UBE2R2: variants seen among roughly 807,000 people sequenced by gnomAD.
UBE2R2 encodes the protein ubiquitin conjugating enzyme E2 R2.
UBE2R2 carries 1 observed loss-of-function variant against 27.8 expected under a neutral mutation model. That is an observed-to-expected ratio of 0.04 (90% CI 0.01 to 0.17). UBE2R2 has a LOEUF of 0.17. UBE2R2 is among the 10% of genes least tolerant of loss of function. The pLI, the probability that UBE2R2 is intolerant of heterozygous loss-of-function variation, is 1.00. For synonymous variants in UBE2R2, 106 were observed against 113.3 expected (o/e 0.94, Z 0.41); for missense variants, 100 against 291.0 (o/e 0.34, Z 4.78).
chr9:33,898,798 A>G lies in UBE2R2; in HGVS notation c.265-1376A>G, dbSNP rs199948839. Among the ~76,000 whole-genome samples, 474 of 152,272 alleles carry G rather than the reference A, an allele frequency of 3.1e-3. 2 individuals are homozygous for G. The highest frequency in any genetic ancestry group is 5.6e-3 in the Non-Finnish European group (381 of 68,036). Reference sequence around the variant, plus strand: ...AGAAAGAAGTTAAATAAATAAATAAATCTTACCTTCCATGTTAGGCTAAGT... The same window carrying G: ...AGAAAGAAGTTAAATAAATAAATAAGTCTTACCTTCCATGTTAGGCTAAGT... On this transcript the variant is annotated intron_variant, in intron 2 of 4. Transcript: ENST00000263228.
intron 1 of UBE2R2, among the ~76,000 whole-genome samples, chr9:33,841,316 G>C (rs1432587756): frequency 6.6e-6 from 1 of 152,108 alleles, no homozygotes; most frequent in Non-Finnish European, 1.5e-5. Context: ...CTGACCTCAG[G>C]TGTTCCACCT....
At position 33,817,716 on chromosome 9, in the gene UBE2R2, C is replaced by T. The variant is rs768830336; in HGVS notation, c.-42C>T. ...GTCCGGCCCGGCCGGTGCGTGAGGA[C>T]TGGGGCCCGGGCCCGGCGCCGCCGC... On this transcript the variant is annotated 5_prime_UTR_variant, in exon 1 of 5. Transcript: ENST00000263228. 1,469 of 1,459,018 alleles carry T rather than the reference C, an allele frequency of 1.0e-3. No individual in the cohort carries two copies. Among genetic ancestry groups the T allele is most frequent in the Non-Finnish European group, 1.2e-3 (1,336 of 1,102,994 alleles). 90.4% of individuals were successfully genotyped at this position (1,459,018 alleles called of 1,614,324 possible). A position where few individuals can be genotyped will look rare whatever the true frequency, so the allele number is the denominator to read the frequency against.
At chr9:33,848,321 C>T (rs1820889905) in intron 1 of UBE2R2, among the ~76,000 whole-genome samples, 1 of 152,012 alleles carries the variant, frequency 6.6e-6, no homozygotes, top group Non-Finnish European at 1.5e-5. Flanking sequence ...GTACTTTTTT[C>T]TCCTCTTATC....
At chr9:33,877,177 T>G (rs1013923350) in intron 1 of UBE2R2, among the ~76,000 whole-genome samples, 15 of 112,812 alleles carry the variant, frequency 1.3e-4, no homozygotes, top group African/African-American at 5.1e-4. Flanking sequence ...TACTTATGAT[T>G]GAATTTTTTT....
intron 3 of UBE2R2, among the ~76,000 whole-genome samples, chr9:33,903,596 C>G (rs1417932621): frequency 2.0e-5 from 3 of 152,164 alleles, no homozygotes; most frequent in Admixed American, 1.3e-4. Flanking sequence ...TTTGCCTTAT[C>G]TCAGCTTAAA....
chr9:33,909,730 T>C (rs1822443980), intron 3 of UBE2R2, among the ~76,000 whole-genome samples: 1 of 152,214 alleles, frequency 6.6e-6, no homozygotes, highest in African/African-American at 2.4e-5. Context: ...TCTTCGATTC[T>C]TTTTAATGTA....
intron 3 of UBE2R2, among the ~76,000 whole-genome samples, chr9:33,901,802 A>T (rs72727318): frequency 0.079 from 12,002 of 152,192 alleles, 682 homozygotes; most frequent in Non-Finnish European, 0.12. Context: ...TATCTTACCA[A>T]TATATTTTTT....
chr9:33,846,108 A>G (rs1385570270), intron 1 of UBE2R2, among the ~76,000 whole-genome samples: 2 of 144,082 alleles, frequency 1.4e-5, no homozygotes, highest in African/African-American at 2.6e-5. Context: ...CCTGGGTGAC[A>G]GCAAGACTCC....
chr9:33,854,734 T>C (rs76507387), intron 1 of UBE2R2, among the ~76,000 whole-genome samples: 6 of 151,524 alleles, frequency 4.0e-5, no homozygotes, highest in East Asian at 3.9e-4. Flanking sequence ...TTTTTTTTTT[T>C]CCAAGACAGG....
At chr9:33,911,334 C>A (rs1822480916) in intron 3 of UBE2R2, among the ~76,000 whole-genome samples, 1 of 134,118 alleles carries the variant, frequency 7.5e-6, no homozygotes, top group Non-Finnish European at 1.5e-5. Context: ...ATCGCTTGAA[C>A]CTGGGATGTG....
At position 33,911,402 on chromosome 9, in the gene UBE2R2, CAAAAAAAAAAAAAAAAA is replaced by C. The variant is rs60526576; in HGVS notation, c.363-545_363-529del. 2.4e-3 allele frequency among the ~76,000 whole-genome samples: 127 copies of C among 53,222 alleles called. 4 individuals are homozygous for C. The South Asian group carries it at 0.079, about 33-fold the overall frequency. The allele number at this position is 53,222 out of a possible 152,430, so 34.9% of individuals were successfully genotyped here. A position where few individuals can be genotyped will look rare whatever the true frequency, so the allele number is the denominator to read the frequency against. On this transcript the variant is annotated intron_variant, in intron 3 of 4. Coordinates refer to ENST00000263228, the MANE Select transcript of UBE2R2 (RefSeq NM_017811.4). ...GGGGAACAAGAGTGAAACTCCATCT[CAAAAAAAAAAAAAAAAA>C]AAAAAAAAAAAAAAAACCTGGTTAT... is the stretch of plus-strand genomic sequence containing the variant.
chr9:33,853,687 C>T (rs1460926785), intron 1 of UBE2R2, among the ~76,000 whole-genome samples: 5 of 151,910 alleles, frequency 3.3e-5, no homozygotes, highest in South Asian at 2.1e-4. Context: ...AGATGTCAGA[C>T]GCAGATGATT....
intron 1 of UBE2R2, among the ~76,000 whole-genome samples, chr9:33,819,249 A>G (rs966055143): frequency 2.6e-5 from 4 of 152,154 alleles, no homozygotes; most frequent in Non-Finnish European, 5.9e-5. Flanking sequence ...GGACTACCCA[A>G]TTACTTAACT....
chr9:33,902,462 G>A (rs1020747143), intron 3 of UBE2R2, among the ~76,000 whole-genome samples: 1 of 152,134 alleles, frequency 6.6e-6, no homozygotes, highest in African/African-American at 2.4e-5. Context: ...TGGCTGGCTT[G>A]GGTTGCAGCT....
At chr9:33,865,276 A>G (rs1821336030) in intron 1 of UBE2R2, among the ~76,000 whole-genome samples, 1 of 151,034 alleles carries the variant, frequency 6.6e-6, no homozygotes, top group East Asian at 2.0e-4. Context: ...ATCTCGGCTC[A>G]CTCACCGCAA....
chr9:33,829,888 T>A (rs1380689492), intron 1 of UBE2R2, among the ~76,000 whole-genome samples: 1 of 146,544 alleles, frequency 6.8e-6, no homozygotes, highest in Non-Finnish European at 1.5e-5. Context: ...CTCCGCCTCC[T>A]GGGTTTTCAA....
rs753073133 is a variant in UBE2R2 at position 33,834,828 on chromosome 9, TG to T, written c.177+16895del. ...GGGAGGCTGAGGCAGGAGAATCCCT[TG>T]TTCCCGGGAGGTGGAGGTTGCAGTA... On this transcript the variant is annotated intron_variant, in intron 1 of 4. Coordinates refer to ENST00000263228, the MANE Select transcript of UBE2R2 (RefSeq NM_017811.4). Among the ~76,000 whole-genome samples the T allele has an allele frequency of 2.2e-4, 34 of 151,670 alleles. 1 individual carries two copies. In the Middle Eastern group the frequency reaches 0.01, roughly 46 times the overall value.
intron 1 of UBE2R2, among the ~76,000 whole-genome samples, chr9:33,828,717 A>G (rs1304132842): frequency 6.9e-6 from 1 of 145,384 alleles, no homozygotes; most frequent in Admixed American, 7.0e-5. Flanking sequence ...ATGTGCCACC[A>G]TGCCCAGCTA....
chr9:33,872,544 T>C (rs1310674707), intron 1 of UBE2R2, among the ~76,000 whole-genome samples: 1 of 152,164 alleles, frequency 6.6e-6, no homozygotes, highest in Non-Finnish European at 1.5e-5. Flanking sequence ...CCCGGCACTT[T>C]GGGAGGCCAA....
Sources: gnomAD v4.1 joint callset for allele counts (sites outside exome capture counted in the v4.1 genomes callset) on GRCh38, gnomAD v4.1.1 for gene constraint, MANE v1.5 for transcripts, NCBI Gene and HGNC (gene_info 2026-07-23, HGNC 2026-07-21) for gene names.